MTUS1: variants seen among roughly 807,000 people sequenced by gnomAD.
MTUS1 encodes the protein microtubule associated scaffold protein 1.
Under a neutral mutation model 120.8 loss-of-function variants are expected in MTUS1, and 109 were observed. The ratio of observed to expected loss-of-function variants is 0.90; its 90% CI spans 0.77 to 1.06. The LOEUF (loss-of-function observed/expected upper bound fraction) is 1.06, where lower values mean the gene tolerates loss of function less well. Among genes scored for constraint, MTUS1 ranks in the 50% least tolerant of loss-of-function variants. The pLI is 0.00. For missense variants in MTUS1, 2,210 were observed against 1,486.3 expected (o/e 1.49, Z -8.01); for synonymous variants, 737 against 550.5 (o/e 1.34, Z -4.74).
intron 6 of MTUS1, 99 bp from the exon 7 acceptor site, chr8:17,684,641 C>T: frequency 2.2e-6 from 2 of 923,230 alleles, no homozygotes; most frequent in South Asian, 2.8e-5. Context: ...CACAGAAATC[C>T]ATTTAAGTTA....
At chr8:17,674,587 G>C (rs1339897622) in intron 8 of MTUS1, 3 of 985,788 alleles carry the variant, frequency 3.0e-6, no homozygotes, top group Non-Finnish European at 3.6e-6. Context: ...GGAAACTGCA[G>C]GGCTGGGTGG....
chr8:17,737,136 T>C (rs2046993584), intron 3 of MTUS1, among the ~76,000 whole-genome samples: 1 of 152,170 alleles, frequency 6.6e-6, no homozygotes. Context: ...TGCATGCACG[T>C]AAAGGACCAG....
intron 1 of MTUS1, among the ~76,000 whole-genome samples, chr8:17,756,629 A>G (rs1055812744): frequency 1.3e-5 from 2 of 149,606 alleles, no homozygotes; most frequent in Non-Finnish European, 3.0e-5. Flanking sequence ...GTTATACACT[A>G]AACTGTTCCC....
chr8:17,737,015 G>A (rs940239314), intron 3 of MTUS1, among the ~76,000 whole-genome samples: 1 of 152,188 alleles, frequency 6.6e-6, no homozygotes, highest in Admixed American at 6.5e-5. Flanking sequence ...CCAGCACTTA[G>A]AAGAGTTCTT....
chr8:17,653,356 T>C (rs1224590575), intron 11 of MTUS1, 69 bp downstream of exon 11: 3 of 1,527,476 alleles, frequency 2.0e-6, no homozygotes, highest in Non-Finnish European at 1.8e-6. Context: ...ACAGAAACAT[T>C]AAAACCAAAC....
chr8:17,742,242 C>A (rs546686660), intron 3 of MTUS1, among the ~76,000 whole-genome samples: 1 of 150,098 alleles, frequency 6.7e-6, no homozygotes, highest in African/African-American at 2.4e-5. Flanking sequence ...CCTACAAGGG[C>A]ACACCATCAT....
intron 1 of MTUS1, among the ~76,000 whole-genome samples, chr8:17,776,030 G>A (rs1189612711): frequency 2.0e-5 from 3 of 152,120 alleles, no homozygotes; most frequent in Non-Finnish European, 2.9e-5. Context: ...TTAATAACGA[G>A]GTCCTTCTGC....
chr8:17,728,363 C>G (rs572588768), intron 3 of MTUS1, among the ~76,000 whole-genome samples: 1 of 152,118 alleles, frequency 6.6e-6, no homozygotes, highest in African/African-American at 2.4e-5. Flanking sequence ...CCGTGGCCTC[C>G]CAAAGTGCTG....
chr8:17,662,879 G>A (rs1303340202), intron 8 of MTUS1, among the ~76,000 whole-genome samples: 6 of 151,648 alleles, frequency 4.0e-5, no homozygotes, highest in African/African-American at 1.5e-4. Flanking sequence ...AAAGGAGGAA[G>A]GGAGGGAAGG....
intron 13 of MTUS1, among the ~76,000 whole-genome samples, chr8:17,649,482 G>A (rs1349459757): frequency 2.0e-5 from 3 of 152,024 alleles, no homozygotes; most frequent in Non-Finnish European, 4.4e-5. Flanking sequence ...CAACTGTTTT[G>A]GATCTAAGAA....
At chr8:17,792,644 G>A (rs375023270) in intron 1 of MTUS1, among the ~76,000 whole-genome samples, 2 of 152,318 alleles carry the variant, frequency 1.3e-5, no homozygotes, top group East Asian at 1.9e-4. Flanking sequence ...TGGACAGATC[G>A]CCTGAGGCCA....
chr8:17,754,432 C>G lies in MTUS1; in HGVS notation c.1376G>C (p.Arg459Pro), dbSNP rs199784753. ...EKCKKVEKGN[R>P]GLKNIPDSKE... ...CGAGTCTGGTATGTTTTTAAGCCCT[C>G]GATTACCCTTCTCCACTTTCTTACA... The change falls in exon 2 of 15, where the codon CGA (arginine) becomes CCA (proline). Residue 459 changes from arginine to proline, a missense_variant. Coordinates refer to ENST00000693296, the MANE Select transcript of MTUS1 (RefSeq NM_001363059.2). The G allele has an allele frequency of 1.2e-6, 2 of 1,613,980 alleles. No individual in the cohort carries two copies. Among genetic ancestry groups the G allele is most frequent in the Admixed American group, 3.3e-5 (2 of 59,990 alleles).
chr8:17,705,461 C>A (rs763420711), intron 6 of MTUS1, among the ~76,000 whole-genome samples: 24 of 152,122 alleles, frequency 1.6e-4, no homozygotes, highest in Non-Finnish European at 2.8e-4. Context: ...GATCTAGCTC[C>A]TGCTAAAAAG....
intron 1 of MTUS1, among the ~76,000 whole-genome samples, chr8:17,766,040 C>T (rs1722074258): frequency 6.6e-6 from 1 of 152,076 alleles, no homozygotes; most frequent in South Asian, 2.1e-4. Flanking sequence ...TTTATGCTAG[C>T]ATTAGTTTAC....
At chr8:17,667,571 T>C (rs971211219) in intron 8 of MTUS1, among the ~76,000 whole-genome samples, 2 of 152,266 alleles carry the variant, frequency 1.3e-5, no homozygotes, top group African/African-American at 4.8e-5. Context: ...TGCAAGTTAC[T>C]TTCCTCAGTA....
Position 17,684,349 on chromosome 8 carries a change from C to A in MTUS1, c.2817G>T (p.Val939=). 4 of 1,614,062 alleles carry A rather than the reference C, an allele frequency of 2.5e-6. No homozygotes were observed. Among genetic ancestry groups the A allele is most frequent in the Non-Finnish European group, 3.4e-6 (4 of 1,179,918 alleles). Residue 939 remains valine, a synonymous_variant, in exon 7 of 15, where the codon GTG becomes GTT. Transcript: ENST00000693296. ...GNTKFEALTV[V]IQHLLSEREE... is the part of the protein sequence containing the mutation. Reference sequence around the variant, plus strand: ...TTACCTCAGACAGCAGGTGCTGAATCACAACTGTCAATGCCTCAAACTTGG... The same window carrying A: ...TTACCTCAGACAGCAGGTGCTGAATAACAACTGTCAATGCCTCAAACTTGG...
intron 1 of MTUS1, among the ~76,000 whole-genome samples, chr8:17,787,598 G>A (rs1008590640): frequency 1.3e-5 from 2 of 152,158 alleles, no homozygotes; most frequent in African/African-American, 2.4e-5. Context: ...CTCAGGAACT[G>A]GGTTACCTGT....
chr8:17,679,366 T>C (rs975911197), intron 7 of MTUS1, among the ~76,000 whole-genome samples: 1 of 151,912 alleles, frequency 6.6e-6, no homozygotes, highest in Admixed American at 6.6e-5. Flanking sequence ...CGTGTGTGTG[T>C]GTGTGTGTGT....
rs960626443 is a variant in MTUS1 at position 17,644,546 on chromosome 8, T to G, written c.*1380A>C. Reference sequence around the variant, plus strand: ...AACTGAAATGCAACCTGGAGGAGAGTTGGACAAGCCACATTTTCCACTCAT... The same window carrying G: ...AACTGAAATGCAACCTGGAGGAGAGGTGGACAAGCCACATTTTCCACTCAT... On this transcript the variant is annotated 3_prime_UTR_variant, in exon 15 of 15. Transcript: ENST00000693296. 6.6e-6 allele frequency: 1 copy of G among 152,000 alleles called. No individual in the cohort carries two copies. The highest frequency in any genetic ancestry group is 6.6e-5 in the Admixed American group (1 of 15,256). 9.4% of individuals were successfully genotyped at this position (152,000 alleles called of 1,614,324 possible). A position where few individuals can be genotyped will look rare whatever the true frequency, so the allele number is the denominator to read the frequency against.
Sources: gnomAD v4.1 joint callset for allele counts (sites outside exome capture counted in the v4.1 genomes callset) on GRCh38, gnomAD v4.1.1 for gene constraint, MANE v1.5 for transcripts, NCBI Gene and HGNC (gene_info 2026-07-23, HGNC 2026-07-21) for gene names.